The following FLNA variants were observed in gnomAD, a reference collection of about 807,000 sequenced individuals.
The protein encoded by FLNA is filamin A, also known as filamin-A.
In FLNA, 7 loss-of-function variants were observed where a neutral mutation model predicts 157.6. The ratio of observed to expected loss-of-function variants is 0.04; its 90% CI spans 0.03 to 0.08. The LOEUF (loss-of-function observed/expected upper bound fraction) is 0.08. Ranked by LOEUF, FLNA falls within the 10% of genes least tolerant of loss-of-function variation. FLNA has a pLI of 1.00. For synonymous variants in FLNA, 1,103 were observed against 1,060.8 expected, an observed-to-expected ratio of 1.04 and a Z score of -0.77; for missense variants, 1,750 against 2,398.4, an observed-to-expected ratio of 0.73 and a Z score of 5.65.
At position 154,357,234 on chromosome X, in the gene FLNA, C is replaced by T; in HGVS notation, c.4969+17G>A. On this transcript the variant is annotated intron_variant, in intron 30 of 47. Transcript: ENST00000369850. ...GGGCAGGAGGGGCATTGGGAGTGGC[C>T]CCAGCAAGCAGCTTACCTAGCCCGT... 1 of 1,208,187 alleles carries T rather than the reference C, an allele frequency of 8.3e-7. No individual in the cohort carries two copies. The highest frequency in any genetic ancestry group is 1.1e-6 in the Non-Finnish European group (1 of 892,781).
chrX:154,364,202 G>A, intron 14 of FLNA, 37 bp from the exon 15 acceptor site: 1 of 1,210,433 alleles, frequency 8.3e-7, no homozygotes, highest in Non-Finnish European at 1.1e-6. Flanking sequence ...CTGCTGGTCA[G>A]TGCCCAGGCC....
chrX:154,366,661 G>A (rs1557179366), intron 6 of FLNA, 22 bp from the exon 7 acceptor site: 12 of 1,208,286 alleles, frequency 9.9e-6, no homozygotes, highest in Admixed American at 8.7e-5. Flanking sequence ...AGGAGCCTGT[G>A]AGCCTTTGCT....
chrX:154,350,646 C>T (rs938740903), intron 44 of FLNA: 24 of 398,836 alleles, frequency 6.0e-5, no homozygotes, highest in Admixed American at 1.3e-4. Flanking sequence ...GCTGAAGGGC[C>T]GGGCAGCACT....
chrX:154,370,757 C>T (rs2067799937), intron 2 of FLNA, 116 bp downstream of exon 2: 5 of 840,011 alleles, frequency 6.0e-6, no homozygotes, highest in Non-Finnish European at 8.4e-6. Context: ...AGCCGGAGGC[C>T]TCGGGAGTTG....
At position 154,366,412 on chromosome X, in the gene FLNA, T is replaced by C. The variant is rs782331362; in HGVS notation, c.1124A>G (p.Asp375Gly). The C allele has an allele frequency of 9.9e-6, 12 of 1,210,611 alleles. No individual in the cohort carries two copies. In the Admixed American group the frequency reaches 2.6e-4, roughly 26 times the overall value. The change falls in exon 8 of 48, where the codon GAT becomes GGT. Residue 375 changes from aspartate to glycine, a missense_variant. Around this residue, in one of 5 missense-constraint regions of FLNA, gnomAD observed 648 missense variants for 805.8 expected, o/e 0.80. Transcript: ENST00000369850. ...TTTGCTGGCGTCACCCTGTGACTTA[T>C]CCACGTACACCTCGAAGGGGCTCTT... ...IAKSPFEVYV[D>G]KSQGDASKVT...
chrX:154,349,092 T>C, intron 47 of FLNA, 56 bp from the exon 48 acceptor site: 1 of 1,091,180 alleles, frequency 9.2e-7, no homozygotes, highest in African/African-American at 1.8e-5. Context: ...CCCGCTGGTG[T>C]CCTGCTCTCC....
At position 154,358,965 on chromosome X, in the gene FLNA, C is replaced by T; in HGVS notation, c.4474+19G>A. 1 of 1,209,070 alleles carries T rather than the reference C, an allele frequency of 8.3e-7. No individual in the cohort carries two copies. The highest frequency in any genetic ancestry group is 1.8e-5 in the South Asian group (1 of 56,980). On this transcript the variant is annotated intron_variant, in intron 26 of 47. Transcript: ENST00000369850. ...ACACTGCCCTCCTGACCCCTGGCTC[C>T]AGGCATGCAAACACTCACCTTTGGG... is the stretch of plus-strand genomic sequence containing the variant.
rs782253233 is a variant in FLNA, at chrX:154,353,940, G to T, written c.5661C>A (p.Thr1887=). ...HGVVNKPATF[T]VNTKDAGEGG... ...CCTCTCCTGCATCCTTGGTGTTGAC[G>T]GTGAAGGTGGCAGGCTTGTTCACTA... is the stretch of plus-strand genomic sequence containing the variant. Residue 1887 remains threonine (T), a synonymous_variant, in exon 35 of 48, where the codon ACC becomes ACA. Transcript: ENST00000369850. 1.7e-6 allele frequency: 2 copies of T among 1,210,854 alleles called. No homozygotes were observed. Among genetic ancestry groups the T allele is most frequent in the Admixed American group, 2.2e-5 (1 of 45,977 alleles).
chrX:154,361,283 T>C, intron 21 of FLNA, 25 bp downstream of exon 21: 1 of 1,206,530 alleles, frequency 8.3e-7, no homozygotes, highest in Non-Finnish European at 1.1e-6. Context: ...GGTTCTACCC[T>C]TAGGGCCTCC....
chrX:154,365,143 C>T lies in FLNA; in HGVS notation c.1684G>A (p.Gly562Arg), dbSNP rs781806203. 10 of 1,211,689 alleles carry T rather than the reference C, an allele frequency of 8.3e-6. No individual in the cohort carries two copies. The highest frequency in any genetic ancestry group is 1.8e-5 in the South Asian group (1 of 57,024). Residue 562 changes from glycine (G) to arginine (R), a missense_variant, in exon 11 of 48, where the codon GGG becomes AGG. Coordinates refer to ENST00000369850, the MANE Select transcript of FLNA (RefSeq NM_001110556.2). ...VTITWGGQNI[G>R]RSPFEVKVGT... ...GATGCCTGGGGGCCTCACCTGCGCC[C>T]GATGTTCTGACCACCCCACGTGATG... is the stretch of plus-strand genomic sequence containing the variant.
In FLNA at chrX:154,352,646, C is replaced by T. The variant is rs782142395; in HGVS notation, c.6409G>A (p.Glu2137Lys). The T allele has an allele frequency of 9.9e-6, 12 of 1,210,713 alleles. No homozygotes were observed. The highest frequency in any genetic ancestry group is 3.5e-5 in the African/African-American group (2 of 57,582). The change falls in exon 40 of 48, where the codon GAG (glutamate) becomes AAG (lysine). Residue 2137 changes from glutamate to lysine, a missense_variant. Glu to Lys is a moderately conservative substitution (Grantham distance 56). This residue lies in a region of FLNA where 970 missense variants were observed against 1,302.6 expected (regional missense o/e 0.74). Coordinates refer to ENST00000369850, the MANE Select transcript of FLNA (RefSeq NM_001110556.2). ...GTGATGCTCTCTTTCACCCGGCCCT[C>T]GCCTGTCACCTTCACAGAGAAGGGG... ...GSPFSVKVTG[E>K]GRVKESITRR...
intron 47 of FLNA, 97 bp downstream of exon 47, chrX:154,349,265 G>A (rs1192875775): frequency 4.0e-5 from 38 of 950,484 alleles, no homozygotes; most frequent in South Asian, 3.3e-4. Context: ...TGAAAGCCAC[G>A]CCCCAAAGGC....
At chrX:154,356,737 A>G (rs1347723792) in intron 30 of FLNA, among the ~76,000 whole-genome samples, 2 of 112,648 alleles carry the variant, frequency 1.8e-5, no homozygotes, top group Admixed American at 9.3e-5. Context: ...TGGCCGCCCA[A>G]GCAGTCGACA....
rs781852981 is a variant in FLNA at position 154,364,685 on chromosome X, G to T, written c.1863C>A (p.Ile621=). 5.8e-6 allele frequency: 7 copies of T among 1,210,139 alleles called. No homozygotes were observed. The South Asian group carries it at 1.1e-4, about 18-fold the overall frequency. ...AGCCGTCGCCCTTGTCGTCACATTC[G>T]ATCTTAGCCTGCGATGGCCCTTCCA... ...FSVEGPSQAK[I]ECDDKGDGSC... Residue 621 remains isoleucine, a synonymous_variant, in exon 13 of 48, where the codon ATC becomes ATA. Coordinates refer to ENST00000369850, the MANE Select transcript of FLNA (RefSeq NM_001110556.2).
At position 154,359,760 on chromosome X, in the gene FLNA, G is replaced by A; in HGVS notation, c.3951C>T (p.Tyr1317=). Residue 1317 remains tyrosine (Y), a synonymous_variant, in exon 23 of 48, where the codon TAC becomes TAT. Coordinates refer to ENST00000369850, the MANE Select transcript of FLNA (RefSeq NM_001110556.2). ...CCTCGTAAGGCGTGTACTCCACTTT[G>A]TACATGCCATCGCCACGGTCCTGAA... ...TYVQDRGDGM[Y]KVEYTPYEEG... The A allele has an allele frequency of 2.5e-6, 3 of 1,210,897 alleles. No individual in the cohort carries two copies. Among genetic ancestry groups the A allele is most frequent in the Non-Finnish European group, 3.4e-6 (3 of 895,435 alleles).
At chrX:154,367,205 T>G (rs1263877634) in intron 5 of FLNA, among the ~76,000 whole-genome samples, 192 bp downstream of exon 5, 1 of 112,447 alleles carries the variant, frequency 8.9e-6, no homozygotes, top group Non-Finnish European at 1.9e-5. Flanking sequence ...CTTCTGTGAC[T>G]GGAGGAACCT....
rs2067628711 is a variant in FLNA, at chrX:154,352,629, C to G, written c.6426G>C (p.Glu2142Asp). The change falls in exon 40 of 48, where the codon GAG (glutamate) becomes GAC (aspartate). Residue 2142 changes from glutamate (E) to aspartate (D), a missense_variant. By Grantham distance (45) the Glu-to-Asp change is conservative. This residue lies in a region of FLNA where 970 missense variants were observed against 1,302.6 expected (regional missense o/e 0.74). Coordinates refer to ENST00000369850, the MANE Select transcript of FLNA (RefSeq NM_001110556.2). ...GAGCCCGACGCCTGCGGGTGATGCT[C>G]TCTTTCACCCGGCCCTCGCCTGTCA... ...VKVTGEGRVK[E>D]SITRRRRAPS... The G allele has an allele frequency of 8.3e-7, 1 of 1,211,622 alleles. No individual in the cohort carries two copies. The highest frequency in any genetic ancestry group is 1.1e-6 in the Non-Finnish European group (1 of 895,479).
In FLNA at chrX:154,359,772, G is replaced by C; in HGVS notation, c.3939C>G (p.Gly1313=). 8.3e-7 allele frequency: 1 copy of C among 1,210,546 alleles called. No homozygotes were observed. The highest frequency in any genetic ancestry group is 2.2e-5 in the Admixed American group (1 of 46,053). The change falls in exon 23 of 48, where the codon GGC becomes GGG. Residue 1313 remains glycine, a synonymous_variant. Transcript: ENST00000369850. ...TGTACTCCACTTTGTACATGCCATC[G>C]CCACGGTCCTGAACGTAGGTCTCCG... ...NLTETYVQDR[G]DGMYKVEYTP...
rs1347132008 is a variant in FLNA, at chrX:154,357,426, G to C, written c.4945+8C>G. 8.3e-7 allele frequency: 1 copy of C among 1,204,742 alleles called. No individual in the cohort carries two copies. Among genetic ancestry groups the C allele is most frequent in the Non-Finnish European group, 1.1e-6 (1 of 890,731 alleles). Reference sequence around the variant, plus strand: ...AGCGCCGCAGCGGCCAACAGCGGGCGGGCTCACCTGTGACAGTGCACTTGC... The same window carrying C: ...AGCGCCGCAGCGGCCAACAGCGGGCCGGCTCACCTGTGACAGTGCACTTGC... On this transcript the variant is annotated splice_region_variant and intron_variant, in intron 29 of 47. Coordinates refer to ENST00000369850, the MANE Select transcript of FLNA (RefSeq NM_001110556.2).
Sources: allele counts gnomAD v4.1 joint callset (sites outside exome capture counted in the v4.1 genomes callset), GRCh38; gene constraint gnomAD v4.1.1; regional missense constraint gnomAD v4.1.1; transcripts MANE v1.5; gene names NCBI Gene and HGNC (gene_info 2026-07-23, HGNC 2026-07-21).